PSD3: variants seen among roughly 807,000 people sequenced by gnomAD.
The protein encoded by PSD3 is pleckstrin and Sec7 domain containing 3.
In PSD3, 49 loss-of-function variants were observed where a neutral mutation model predicts 105.5. That is an observed-to-expected ratio of 0.46 (90% CI 0.37 to 0.59). The LOEUF is 0.59. Among genes scored for constraint, PSD3 ranks in the 20% least tolerant of loss-of-function variants. The pLI, the probability that PSD3 is intolerant of heterozygous loss-of-function variation, is 0.00. For missense variants in PSD3, 1,561 were observed against 1,263.8 expected (o/e 1.24, Z -3.57); for synonymous variants, 557 against 457.8 (o/e 1.22, Z -2.77).
At chr8:18,931,688 G>C (rs1821759676) in intron 2 of PSD3, among the ~76,000 whole-genome samples, 1 of 152,258 alleles carries the variant, frequency 6.6e-6, no homozygotes, top group South Asian at 2.1e-4. Context: ...GGTGACGGCA[G>C]CAGGGAGGCA....
intron 2 of PSD3, among the ~76,000 whole-genome samples, chr8:18,874,586 C>T (rs1285463971): frequency 1.3e-5 from 2 of 150,812 alleles, no homozygotes; most frequent in African/African-American, 4.9e-5. Context: ...GCCTGTAATC[C>T]CAGCTACTTG....
At chr8:18,932,615 C>A (rs150189661) in intron 2 of PSD3, among the ~76,000 whole-genome samples, 6 of 152,120 alleles carry the variant, frequency 3.9e-5, no homozygotes, top group African/African-American at 1.4e-4. Context: ...CAGCTATGTG[C>A]CTTTAGTCAT....
chr8:18,970,344 A>AAAAAAAAAAAAAAAG (rs1563474672), intron 1 of PSD3, among the ~76,000 whole-genome samples: 1 of 148,410 alleles, frequency 6.7e-6, no homozygotes, highest in African/African-American at 2.5e-5. Context: ...AAAAAAAAAA[A>AAAAAAAAAAAAAAAG]AAAACAAAGA....
chr8:18,811,379 T>C (rs962706608), intron 4 of PSD3, among the ~76,000 whole-genome samples: 3 of 152,218 alleles, frequency 2.0e-5, no homozygotes, highest in African/African-American at 7.2e-5. Context: ...TAATTCCCTA[T>C]ACTGTGCCAC....
chr8:18,704,265 T>C (rs146385083), intron 9 of PSD3, among the ~76,000 whole-genome samples: 4 of 152,304 alleles, frequency 2.6e-5, no homozygotes, highest in Non-Finnish European at 4.4e-5. Context: ...ATGAAGAATC[T>C]CCCTTTACTA....
chr8:18,666,466 C>A (rs555515072), intron 9 of PSD3, among the ~76,000 whole-genome samples: 5 of 152,312 alleles, frequency 3.3e-5, no homozygotes, highest in African/African-American at 1.2e-4. Context: ...TCTCCAAGGT[C>A]TGCCTGTTTA....
chr8:18,562,390 T>C (rs113534961), intron 14 of PSD3, among the ~76,000 whole-genome samples: 1,822 of 152,328 alleles, frequency 0.012, 9 homozygotes, highest in South Asian at 0.018. Context: ...ACTTCTATCA[T>C]GAAGTCACCT....
chr8:18,632,652 A>C lies in PSD3; in HGVS notation c.2371T>G (p.Leu791Val). The change falls in exon 11 of 16, where the codon TTG (leucine) becomes GTG (valine). Residue 791 changes from leucine to valine, a missense_variant. Coordinates refer to ENST00000327040, the MANE Select transcript of PSD3 (RefSeq NM_015310.4). Reference protein sequence around the residue: ...PNAAVYKSGFLARKIHADMDG... With the variant: ...PNAAVYKSGFVARKIHADMDG... Reference sequence around the variant, plus strand: ...ATATCTGCATGAATTTTCCGAGCCAAGAATCCACTTTTGTACACAGCAGCA... The same window carrying C: ...ATATCTGCATGAATTTTCCGAGCCACGAATCCACTTTTGTACACAGCAGCA... The C allele has an allele frequency of 6.2e-7, 1 of 1,612,454 alleles. No individual in the cohort carries two copies. Among genetic ancestry groups the C allele is most frequent in the Non-Finnish European group, 8.5e-7 (1 of 1,179,058 alleles).
chr8:18,987,319 G>A (rs115762241), intron 1 of PSD3, among the ~76,000 whole-genome samples: 2,177 of 148,762 alleles, frequency 0.015, 68 homozygotes, highest in African/African-American at 0.051. Flanking sequence ...ACGGAGTCTC[G>A]CACTTTCGCC....
chr8:18,991,361 C>T (rs1825787800), intron 1 of PSD3, among the ~76,000 whole-genome samples: 3 of 62,368 alleles, frequency 4.8e-5, no homozygotes, highest in South Asian at 1.2e-3. Flanking sequence ...CATACACACA[C>T]ACACACACAC....
At chr8:18,871,588 C>A in intron 3 of PSD3, 38 bp downstream of exon 3, 1 of 1,549,022 alleles carries the variant, frequency 6.5e-7, no homozygotes, top group South Asian at 1.3e-5. Context: ...TGATATGTAC[C>A]AGGCATCTGA....
chr8:18,580,138 G>C (rs750326351), intron 12 of PSD3, among the ~76,000 whole-genome samples: 1 of 152,000 alleles, frequency 6.6e-6, no homozygotes, highest in Admixed American at 6.6e-5. Context: ...ATTCAGCTTC[G>C]TCCTAATAAC....
At chr8:18,778,665 G>T (rs1244949932) in intron 8 of PSD3, among the ~76,000 whole-genome samples, 2 of 151,532 alleles carry the variant, frequency 1.3e-5, no homozygotes, top group Non-Finnish European at 2.9e-5. Context: ...AAGGGATGTT[G>T]AATTTTATGA....
chr8:18,935,994 A>G, intron 2 of PSD3, 40 bp downstream of exon 2: 1 of 1,327,320 alleles, frequency 7.5e-7, no homozygotes, highest in Non-Finnish European at 1.1e-6. Flanking sequence ...ACAGCTCTTC[A>G]TATAGTTTAC....
chr8:18,606,008 T>C (rs973369649), intron 11 of PSD3, among the ~76,000 whole-genome samples: 1 of 152,192 alleles, frequency 6.6e-6, no homozygotes, highest in African/African-American at 2.4e-5. Flanking sequence ...GTCTCGGGTA[T>C]TTCTTCAGAT....
At chr8:18,843,562 T>C (rs1480451906) in intron 4 of PSD3, among the ~76,000 whole-genome samples, 3 of 152,200 alleles carry the variant, frequency 2.0e-5, no homozygotes, top group African/African-American at 7.2e-5. Flanking sequence ...CGTTCTCCTC[T>C]TCTAATAACA....
At chr8:18,881,465 T>C (rs1040765762) in intron 2 of PSD3, among the ~76,000 whole-genome samples, 1 of 152,224 alleles carries the variant, frequency 6.6e-6, no homozygotes, top group Non-Finnish European at 1.5e-5. Context: ...CCACTCTGGC[T>C]AGCAAACTCC....
At chr8:18,965,877 C>G (rs1263857104) in intron 1 of PSD3, among the ~76,000 whole-genome samples, 3 of 152,218 alleles carry the variant, frequency 2.0e-5, no homozygotes, top group Non-Finnish European at 4.4e-5. Flanking sequence ...AATGCCAGGC[C>G]TGAGTTAAGC....
rs1800684195 is a variant in PSD3 at position 18,550,312 on chromosome 8, A to AC, written c.2928+5896_2928+5897insG. Among the ~76,000 whole-genome samples, 3 of 152,242 alleles carry AC rather than the reference A, an allele frequency of 2.0e-5. 1 individual carries two copies. Among genetic ancestry groups the AC allele is most frequent in the Admixed American group, 2.0e-4 (3 of 15,288 alleles). On this transcript the variant is annotated intron_variant, in intron 15 of 15. Coordinates refer to ENST00000327040, the MANE Select transcript of PSD3 (RefSeq NM_015310.4). ...AAGCAGCTGTTATCATTTAAAGATT[A>AC]AAATTCAGAGCTCTTAGTCCTCTTT...
Sources: allele counts gnomAD v4.1 joint callset (sites outside exome capture counted in the v4.1 genomes callset), GRCh38; gene constraint gnomAD v4.1.1; transcripts MANE v1.5; gene names NCBI Gene and HGNC (gene_info 2026-07-23, HGNC 2026-07-21).